The following SLC4A4 variants were observed in gnomAD, a reference collection of about 807,000 sequenced individuals.
SLC4A4 encodes solute carrier family 4 member 4.
SLC4A4 carries 27 observed loss-of-function variants against 111.5 expected under a neutral mutation model. That is an observed-to-expected ratio of 0.24 (90% CI 0.18 to 0.33). SLC4A4 has a LOEUF of 0.33. Ranked by LOEUF, SLC4A4 falls within the 10% of genes least tolerant of loss-of-function variation. SLC4A4 has a pLI of 1.00. For synonymous variants in SLC4A4, 443 were observed against 463.4 expected (o/e 0.96, Z 0.57); for missense variants, 909 against 1,315.5 (o/e 0.69, Z 4.78).
intron 16 of SLC4A4, among the ~76,000 whole-genome samples, chr4:71,530,193 A>G (rs1428335623): frequency 6.6e-6 from 1 of 152,116 alleles, no homozygotes; most frequent in East Asian, 1.9e-4. Context: ...ACCACCTGAC[A>G]GTAGATCATT....
intron 7 of SLC4A4, among the ~76,000 whole-genome samples, chr4:71,402,922 A>G (rs189553867): frequency 1.1e-4 from 17 of 152,254 alleles, no homozygotes; most frequent in African/African-American, 3.6e-4. Context: ...TTCCCATTCT[A>G]TGCTTCTCCC....
intron 9 of SLC4A4, among the ~76,000 whole-genome samples, chr4:71,448,619 A>C (rs567731718): frequency 6.6e-6 from 1 of 152,336 alleles, no homozygotes; most frequent in African/African-American, 2.4e-5. Flanking sequence ...ATTTATTTTC[A>C]TAACAGCCTG....
Position 71,359,845 on chromosome 4 carries a change from A to G in SLC4A4, c.730+2658A>G, listed in dbSNP as rs114930338. The stretch of plus-strand genomic sequence containing the variant: ...GATAAATTTGTATACCTTTGTCTTT[A>G]ATCATAGGCTACAAAATAGATTCAG... On this transcript the variant is annotated intron_variant, in intron 6 of 25. Coordinates refer to ENST00000264485, the MANE Select transcript of SLC4A4 (RefSeq NM_001098484.3). 9.1e-3 allele frequency among the ~76,000 whole-genome samples: 1,384 copies of G among 152,298 alleles called. 23 individuals are homozygous for G. The highest frequency in any genetic ancestry group is 0.032 in the African/African-American group (1,332 of 41,558).
chr4:71,452,200 T>G (rs1050703183), intron 11 of SLC4A4, among the ~76,000 whole-genome samples: 1 of 152,116 alleles, frequency 6.6e-6, no homozygotes, highest in Non-Finnish European at 1.5e-5. Context: ...GATTTCTCTC[T>G]CAAATTAACA....
intron 3 of SLC4A4, among the ~76,000 whole-genome samples, chr4:71,285,674 A>G (rs1560847626): frequency 1.3e-5 from 2 of 152,182 alleles, no homozygotes; most frequent in Admixed American, 6.5e-5. Flanking sequence ...TCAGAAAACA[A>G]TTCTCATATT....
chr4:71,398,953 A>T (rs1398891492), intron 7 of SLC4A4, among the ~76,000 whole-genome samples: 1 of 152,238 alleles, frequency 6.6e-6, no homozygotes. Context: ...GGATTCAACC[A>T]ACCATGGACA....
intron 2 of SLC4A4, among the ~76,000 whole-genome samples, chr4:71,120,886 G>A (rs572115902): frequency 1.2e-4 from 19 of 152,300 alleles, no homozygotes; most frequent in South Asian, 4.1e-4. Flanking sequence ...TGGGCTGGTC[G>A]AGGCCGGAGC....
intron 7 of SLC4A4, among the ~76,000 whole-genome samples, chr4:71,422,093 G>A (rs1238884421): frequency 2.0e-5 from 3 of 146,580 alleles, no homozygotes; most frequent in Non-Finnish European, 4.5e-5. Flanking sequence ...CCGCTAGCAA[G>A]ACTAATAAAG....
chr4:71,204,797 G>C (rs534674705), intron 1 of SLC4A4, among the ~76,000 whole-genome samples: 4 of 152,124 alleles, frequency 2.6e-5, no homozygotes, highest in Non-Finnish European at 4.4e-5. Flanking sequence ...AATGAATATA[G>C]ACCATGTATA....
intron 2 of SLC4A4, among the ~76,000 whole-genome samples, chr4:71,177,207 C>A (rs1745122973): frequency 6.6e-6 from 1 of 152,124 alleles, no homozygotes; most frequent in South Asian, 2.1e-4. Flanking sequence ...ATAACCAGTA[C>A]CAGCCACTGC....
chr4:71,387,159 A>G (rs907966992), intron 6 of SLC4A4, among the ~76,000 whole-genome samples: 6 of 152,152 alleles, frequency 3.9e-5, no homozygotes, highest in Non-Finnish European at 1.5e-5. Context: ...GCAGATTCCA[A>G]TGTGAGTTTC....
intron 6 of SLC4A4, among the ~76,000 whole-genome samples, chr4:71,359,806 C>A (rs1473511933): frequency 6.6e-6 from 1 of 152,142 alleles, no homozygotes; most frequent in Non-Finnish European, 1.5e-5. Flanking sequence ...TCTAATATCT[C>A]CATGTAAAGC....
In SLC4A4 at chr4:71,381,505, G is replaced by A. The variant is rs542519346; in HGVS notation, c.731-16072G>A. Among the ~76,000 whole-genome samples, 7 of 152,298 alleles carry A rather than the reference G, an allele frequency of 4.6e-5. No homozygotes were observed. In the South Asian group the frequency reaches 1.4e-3, roughly 32 times the overall value. On this transcript the variant is annotated intron_variant, in intron 6 of 25. Transcript: ENST00000264485. ...AGTAACAGTGATTATCGTAACCTCA[G>A]ATTGGGAAGATTCCTTCTCCCTTTA...
intron 2 of SLC4A4, among the ~76,000 whole-genome samples, chr4:71,139,015 G>T (rs1210161088): frequency 8.4e-6 from 1 of 119,074 alleles, no homozygotes; most frequent in Non-Finnish European, 1.6e-5. Flanking sequence ...CAGCCTGGGC[G>T]ACAGAGTGAG....
intron 5 of SLC4A4, among the ~76,000 whole-genome samples, chr4:71,350,401 A>G: frequency 6.6e-6 from 1 of 151,792 alleles, no homozygotes; most frequent in African/African-American, 2.4e-5. Flanking sequence ...TTTTTGAGAC[A>G]GAGTCTCACT....
chr4:71,067,845 T>C (rs1337755574), intron 1 of SLC4A4, among the ~76,000 whole-genome samples: 1 of 151,922 alleles, frequency 6.6e-6, no homozygotes, highest in Non-Finnish European at 1.5e-5. Flanking sequence ...ACTCCTGGGC[T>C]CAAGTGATCC....
chr4:71,233,256 C>A (rs936997036), intron 1 of SLC4A4: 5 of 984,796 alleles, frequency 5.1e-6, no homozygotes, highest in Non-Finnish European at 6.0e-6. Flanking sequence ...TGAATGAATG[C>A]AGGAAAGAGA....
intron 1 of SLC4A4, among the ~76,000 whole-genome samples, chr4:71,205,889 C>T (rs945789751): frequency 6.6e-6 from 1 of 152,192 alleles, no homozygotes; most frequent in Non-Finnish European, 1.5e-5. Context: ...TATCTACCAT[C>T]AGTCATGGGA....
chr4:71,552,254 A>T (rs1040973854), intron 20 of SLC4A4, among the ~76,000 whole-genome samples: 16 of 152,052 alleles, frequency 1.1e-4, no homozygotes, highest in African/African-American at 3.9e-4. Context: ...TCTCAATGTT[A>T]CATAAGTAGT....
Sources: allele counts gnomAD v4.1 joint callset (sites outside exome capture counted in the v4.1 genomes callset), GRCh38; gene constraint gnomAD v4.1.1; transcripts MANE v1.5; gene names NCBI Gene and HGNC (gene_info 2026-07-23, HGNC 2026-07-21).